GOLGA4: variants seen among roughly 807,000 people sequenced by gnomAD.
The protein encoded by GOLGA4 is golgin subfamily A member 4.
Under a neutral mutation model 265.9 loss-of-function variants are expected in GOLGA4, and 169 were observed. The observed-to-expected ratio is 0.64, with a 90% confidence interval of 0.56 to 0.72. The LOEUF (loss-of-function observed/expected upper bound fraction) is 0.72, where lower values mean the gene tolerates loss of function less well. Among genes scored for constraint, GOLGA4 ranks in the 30% least tolerant of loss-of-function variants. The pLI, the probability that GOLGA4 is intolerant of heterozygous loss-of-function variation, is 0.00. For missense variants in GOLGA4, 2,482 were observed against 2,483.4 expected (o/e 1.00, Z 0.01); for synonymous variants, 923 against 855.8 (o/e 1.08, Z -1.37).
chr3:37,355,167 A>G lies in GOLGA4; in HGVS notation c.6643A>G (p.Arg2215Gly). ...TGATCAGACTCAGAAAATTTTGGAA[A>G]GAGAAGATGCTCGGCTGATGGTAAG... ...PDDQTQKILE[R>G]EDARLMFTSP... The change falls in exon 22 of 24, where the codon AGA becomes GGA. Residue 2215 changes from arginine (R) to glycine (G), a missense_variant. Coordinates refer to ENST00000361924, the MANE Select transcript of GOLGA4 (RefSeq NM_002078.5). 2.5e-6 allele frequency: 4 copies of G among 1,597,444 alleles called. No homozygotes were observed. Among genetic ancestry groups the G allele is most frequent in the Non-Finnish European group, 3.4e-6 (4 of 1,165,072 alleles).
rs1304791639 is a variant in GOLGA4, at chr3:37,323,585, CAG to C, written c.1703_1704del. The C allele has an allele frequency of 1.1e-5, 17 of 1,528,684 alleles. No individual in the cohort carries two copies. Among genetic ancestry groups the C allele is most frequent in the Non-Finnish European group, 1.4e-5 (16 of 1,136,204 alleles). The allele number at this position is 1,528,684 out of a possible 1,614,324, so 94.7% of individuals were successfully genotyped here. A position where few individuals can be genotyped will look rare whatever the true frequency, so the allele number is the denominator to read the frequency against. On this transcript the variant is annotated splice_acceptor_variant, in intron 13 of 23. Transcript: ENST00000361924. LOFTEE classifies it high-confidence loss of function. ...TAAAAATGCATCTGTTTTTAATTAA[CAG>C]AGAATTCTTGAATTGGAAAGTTCTT... is the stretch of plus-strand genomic sequence containing the variant.
At chr3:37,265,866 GTC>G (rs2096782260) in intron 2 of GOLGA4, among the ~76,000 whole-genome samples, 1 of 151,560 alleles carries the variant, frequency 6.6e-6, no homozygotes, top group Admixed American at 6.6e-5. Flanking sequence ...GTGAAACCCC[GTC>G]TCTACAAAAA....
intron 21 of GOLGA4, among the ~76,000 whole-genome samples, chr3:37,352,923 T>G (rs1184053213): frequency 6.6e-6 from 1 of 152,094 alleles, no homozygotes; most frequent in Non-Finnish European, 1.5e-5. Context: ...CTCACTAAAC[T>G]TAATTGTTTC....
At chr3:37,288,516 G>A (rs189183918) in intron 4 of GOLGA4, among the ~76,000 whole-genome samples, 7 of 148,690 alleles carry the variant, frequency 4.7e-5, no homozygotes, top group East Asian at 4.0e-4. Context: ...TTGCTCTTTC[G>A]CCCAGGCTGG....
rs1294099181 is a variant in GOLGA4, at chr3:37,328,553, T to C, written c.6061+16T>C. ...GAAACTATCAGTAAGTAAAATTAAG[T>C]TCCATAAGGAACAATTATATCAGCA... On this transcript the variant is annotated intron_variant, in intron 15 of 23. Coordinates refer to ENST00000361924, the MANE Select transcript of GOLGA4 (RefSeq NM_002078.5). 6.2e-7 allele frequency: 1 copy of C among 1,602,908 alleles called. No homozygotes were observed. Among genetic ancestry groups the C allele is most frequent in the Non-Finnish European group, 8.5e-7 (1 of 1,173,906 alleles).
chr3:37,295,768 G>A (rs757088951), intron 6 of GOLGA4, among the ~76,000 whole-genome samples: 3 of 152,012 alleles, frequency 2.0e-5, no homozygotes, highest in Non-Finnish European at 4.4e-5. Flanking sequence ...ATATTTAGGG[G>A]GTGAAAACCA....
chr3:37,276,585 G>T (rs2096819805), intron 2 of GOLGA4: 2 of 1,588,198 alleles, frequency 1.3e-6, no homozygotes, highest in Non-Finnish European at 1.7e-6. Flanking sequence ...GGAAATCGAT[G>T]GAAGTTCTGT....
intron 8 of GOLGA4, 110 bp from the exon 9 acceptor site, chr3:37,299,178 C>T: frequency 2.2e-6 from 2 of 929,378 alleles, no homozygotes; most frequent in South Asian, 3.2e-5. Context: ...TTACTGTGTA[C>T]TTTTTTCCTT....
chr3:37,311,479 A>G (rs540885393), intron 10 of GOLGA4, among the ~76,000 whole-genome samples: 1 of 152,314 alleles, frequency 6.6e-6, no homozygotes, highest in East Asian at 1.9e-4. Flanking sequence ...AGCTCGATCC[A>G]TTTCAGCATT....
chr3:37,338,620 G>A (rs763182166), intron 19 of GOLGA4, among the ~76,000 whole-genome samples: 17 of 152,074 alleles, frequency 1.1e-4, no homozygotes, highest in Non-Finnish European at 1.9e-4. Context: ...AATCATTTTA[G>A]AGTACACAGT....
In GOLGA4 at chr3:37,250,768, T is replaced by G. The variant is rs1193499715; in HGVS notation, c.73-627T>G. ...GACCTCTAGTTTAAATTTTGAGCCC[T>G]TTCTCCTGAGTTTTTTTGCGCTGAG... On this transcript the variant is annotated intron_variant, in intron 1 of 23. Coordinates refer to ENST00000361924, the MANE Select transcript of GOLGA4 (RefSeq NM_002078.5). Among the ~76,000 whole-genome samples, 3 of 152,198 alleles carry G rather than the reference T, an allele frequency of 2.0e-5. No individual in the cohort carries two copies. The South Asian group carries it at 6.2e-4, about 32-fold the overall frequency.
At chr3:37,301,775 A>AT (rs1217741288) in intron 9 of GOLGA4, among the ~76,000 whole-genome samples, 1 of 151,878 alleles carries the variant, frequency 6.6e-6, no homozygotes, top group Non-Finnish European at 1.5e-5. Flanking sequence ...TCTGCCTTTT[A>AT]TTTTTTGTTT....
chr3:37,275,121 C>T (rs1399821134), intron 2 of GOLGA4, among the ~76,000 whole-genome samples: 5 of 140,652 alleles, frequency 3.6e-5, no homozygotes, highest in Admixed American at 7.8e-5. Context: ...GAGGTTGAGG[C>T]AGGAGAATTG....
chr3:37,334,450 C>T (rs2097002689), intron 16 of GOLGA4, among the ~76,000 whole-genome samples: 2 of 151,906 alleles, frequency 1.3e-5, no homozygotes, highest in African/African-American at 4.8e-5. Flanking sequence ...AGGAGATGTG[C>T]AGCCTTGTCA....
chr3:37,243,556 C>A lies in GOLGA4; in HGVS notation c.6C>A (p.Phe2Leu), dbSNP rs769585367. The stretch of plus-strand genomic sequence containing the variant: ...GACCGTACGTACGCTGCGCCATGTT[C>A]AAGAAACTGAAGCAAAAGATCAGCG... M[F>L]KKLKQKISEE... The change falls in exon 1 of 24, where the codon TTC (phenylalanine) becomes TTA (leucine). Residue 2 changes from phenylalanine (F) to leucine (L), a missense_variant. Phe to Leu is a conservative substitution (Grantham distance 22). Around this residue, in one of 3 missense-constraint regions of GOLGA4, gnomAD observed 1,536 missense variants for 1,483.7 expected, o/e 1.04. Transcript: ENST00000361924. The A allele has an allele frequency of 1.2e-6, 2 of 1,613,878 alleles. No homozygotes were observed. The highest frequency in any genetic ancestry group is 2.7e-5 in the African/African-American group (2 of 74,936).
Position 37,258,061 on chromosome 3 carries a change from G to A in GOLGA4, c.162+6577G>A, listed in dbSNP as rs1464518062. Among the ~76,000 whole-genome samples the A allele has an allele frequency of 2.6e-4, 19 of 73,952 alleles. 1 individual carries two copies. The highest frequency in any genetic ancestry group is 8.6e-4 in the African/African-American group (18 of 20,954). 48.5% of individuals were successfully genotyped at this position (73,952 alleles called of 152,430 possible). ...TATATACATACATATATATATGTAT[G>A]TATATATGTATATATATATGTGTGT... On this transcript the variant is annotated intron_variant, in intron 2 of 23. Coordinates refer to ENST00000361924, the MANE Select transcript of GOLGA4 (RefSeq NM_002078.5).
At chr3:37,243,866 T>C in intron 1 of GOLGA4, 1 of 544,538 alleles carries the variant, frequency 1.8e-6, no homozygotes, top group Non-Finnish European at 3.3e-6. Context: ...GGATCCCTCG[T>C]GACATTCCAT....
intron 4 of GOLGA4, among the ~76,000 whole-genome samples, chr3:37,286,713 A>G (rs1040710439): frequency 6.6e-6 from 1 of 152,198 alleles, no homozygotes; most frequent in South Asian, 2.1e-4. Context: ...TGGTAAAGAC[A>G]TATCTAACCT....
chr3:37,338,301 T>A (rs1308611288), intron 19 of GOLGA4, among the ~76,000 whole-genome samples: 3 of 152,210 alleles, frequency 2.0e-5, no homozygotes. Context: ...CCAGTTCTTT[T>A]AAAATTCATA....
Sources: gnomAD v4.1 joint callset for allele counts (sites outside exome capture counted in the v4.1 genomes callset) on GRCh38, gnomAD v4.1.1 for gene constraint, gnomAD v4.1.1 regional missense constraint, MANE v1.5 for transcripts, NCBI Gene and HGNC (gene_info 2026-07-23, HGNC 2026-07-21) for gene names.